The following NR6A1 variants were observed in gnomAD, a reference collection of about 807,000 sequenced individuals.
NR6A1 encodes the protein retinoic acid receptor-related testis-associated receptor.
Under a neutral mutation model 59.1 loss-of-function variants are expected in NR6A1, and 7 were observed. The observed-to-expected ratio is 0.12, with a 90% confidence interval of 0.07 to 0.22. The LOEUF (loss-of-function observed/expected upper bound fraction) is 0.22, where lower values mean the gene tolerates loss of function less well. Ranked by LOEUF, NR6A1 falls within the 10% of genes least tolerant of loss-of-function variation. NR6A1 has a pLI of 1.00. For missense variants in NR6A1, 468 were observed against 611.6 expected (o/e 0.77, Z 2.48); for synonymous variants, 243 against 236.1 (o/e 1.03, Z -0.27).
intron 1 of NR6A1, among the ~76,000 whole-genome samples, chr9:124,738,227 C>T (rs918922880): frequency 9.2e-5 from 14 of 152,156 alleles, no homozygotes; most frequent in African/African-American, 3.4e-4. Flanking sequence ...GTACTCCAGC[C>T]TGGGCAACAG....
intron 2 of NR6A1, among the ~76,000 whole-genome samples, chr9:124,731,013 T>A (rs1839868925): frequency 6.6e-6 from 1 of 152,164 alleles, no homozygotes; most frequent in Non-Finnish European, 1.5e-5. Flanking sequence ...GCATGTTTTA[T>A]GTGTAGTTGT....
At chr9:124,681,338 CTTTTTTTTT>C (rs779847656) in intron 2 of NR6A1, among the ~76,000 whole-genome samples, 1 of 110,786 alleles carries the variant, frequency 9.0e-6, no homozygotes, top group Non-Finnish European at 1.9e-5. Context: ...AACATTTGAG[CTTTTTTTTT>C]TTTTTTTTTT....
At chr9:124,588,660 C>T (rs552928094) in intron 2 of NR6A1, among the ~76,000 whole-genome samples, 2 of 147,620 alleles carry the variant, frequency 1.4e-5, no homozygotes, top group African/African-American at 5.0e-5. Context: ...TGGCTCACGC[C>T]GGTAATCCCA....
At chr9:124,595,759 CTCCATTTCA>C (rs1835254384) in intron 2 of NR6A1, 1 of 1,286,742 alleles carries the variant, frequency 7.8e-7, no homozygotes. Context: ...CTTCCCATGT[CTCCATTTCA>C]TGCTTCTTGT....
At chr9:124,550,370 G>A (rs905113273) in intron 3 of NR6A1, among the ~76,000 whole-genome samples, 45 of 147,446 alleles carry the variant, frequency 3.1e-4, no homozygotes, top group Admixed American at 1.3e-4. Context: ...ATGTTCTAAT[G>A]GTGAATTTTT....
chr9:124,749,790 T>C (rs1840443519), intron 1 of NR6A1, among the ~76,000 whole-genome samples: 1 of 152,228 alleles, frequency 6.6e-6, no homozygotes, highest in Non-Finnish European at 1.5e-5. Flanking sequence ...ATAACGCATG[T>C]TTCTTTACAG....
At chr9:124,745,180 C>A (rs1034874957) in intron 1 of NR6A1, among the ~76,000 whole-genome samples, 33 of 151,184 alleles carry the variant, frequency 2.2e-4, no homozygotes, top group Admixed American at 2.2e-3. Flanking sequence ...TTACAAAGGG[C>A]AAATACCATA....
At chr9:124,717,665 AATGCTTAACCTTAACACTTTAGATCT>A (rs1839442618) in intron 2 of NR6A1, among the ~76,000 whole-genome samples, 1 of 152,218 alleles carries the variant, frequency 6.6e-6, no homozygotes, top group Admixed American at 6.5e-5. Context: ...CATTTATAAA[AATGCTTAACCTTAACACTTTAGATCT>A]ATGCGTTTCA....
intron 2 of NR6A1, among the ~76,000 whole-genome samples, chr9:124,623,280 CAA>C (rs1836131722): frequency 6.6e-6 from 1 of 151,942 alleles, no homozygotes; most frequent in Non-Finnish European, 1.5e-5. Flanking sequence ...TTCAGGCAAG[CAA>C]AGAGCTAGGA....
chr9:124,607,487 G>A (rs191663005), intron 2 of NR6A1: 1 of 152,248 alleles, frequency 6.6e-6, no homozygotes, highest in African/African-American at 2.4e-5. Flanking sequence ...TAGAATAAAA[G>A]AGAGGTTCAG....
chr9:124,711,954 G>A (rs1221543988), intron 2 of NR6A1, among the ~76,000 whole-genome samples: 1 of 152,146 alleles, frequency 6.6e-6, no homozygotes, highest in Non-Finnish European at 1.5e-5. Flanking sequence ...ATGACCTAAG[G>A]GTATACAACT....
rs1443104516 is a variant in NR6A1 at position 124,623,577 on chromosome 9, GT to G, written c.143-69008del. On this transcript the variant is annotated intron_variant, in intron 2 of 9. Coordinates refer to ENST00000487099, the MANE Select transcript of NR6A1 (RefSeq NM_033334.4). ...GGGTCTCACTCTGTTTCCCAGGCTG[GT>G]CTTCTGGGCTCGTGTGATGCTCCTA... Among the ~76,000 whole-genome samples the G allele has an allele frequency of 3.3e-5, 5 of 150,782 alleles. No homozygotes were observed. In the South Asian group the frequency reaches 6.3e-4, roughly 19 times the overall value.
At chr9:124,727,842 G>A (rs1839767459) in intron 2 of NR6A1, among the ~76,000 whole-genome samples, 1 of 151,030 alleles carries the variant, frequency 6.6e-6, no homozygotes. Context: ...GTGCCACCAT[G>A]GCCAGTTTAT....
At chr9:124,600,560 T>C (rs1835418510) in intron 2 of NR6A1, among the ~76,000 whole-genome samples, 1 of 152,248 alleles carries the variant, frequency 6.6e-6, no homozygotes, top group South Asian at 2.1e-4. Context: ...GGCACTATGC[T>C]GGCTATGATG....
intron 1 of NR6A1, among the ~76,000 whole-genome samples, chr9:124,744,498 T>C (rs929280942): frequency 3.9e-5 from 6 of 152,218 alleles, no homozygotes; most frequent in Non-Finnish European, 8.8e-5. Flanking sequence ...TGAAAGCATC[T>C]TGACTAATAA....
At chr9:124,557,189 C>T (rs1307074861) in intron 2 of NR6A1, among the ~76,000 whole-genome samples, 1 of 152,058 alleles carries the variant, frequency 6.6e-6, no homozygotes, top group Non-Finnish European at 1.5e-5. Flanking sequence ...AGTGCAGTAG[C>T]GCGATCTTGG....
intron 1 of NR6A1, among the ~76,000 whole-genome samples, chr9:124,738,786 C>T (rs879822235): frequency 2.0e-5 from 3 of 151,888 alleles, no homozygotes; most frequent in Non-Finnish European, 4.4e-5. Flanking sequence ...GGGAGGATCA[C>T]GAGGTCAGGA....
At chr9:124,568,939 C>G (rs777034703) in intron 2 of NR6A1, among the ~76,000 whole-genome samples, 20 of 151,804 alleles carry the variant, frequency 1.3e-4, no homozygotes, top group Non-Finnish European at 2.5e-4. Flanking sequence ...CGGTGAAACA[C>G]CGTCTCTACT....
intron 2 of NR6A1, among the ~76,000 whole-genome samples, chr9:124,582,635 C>A (rs1259992581): frequency 6.6e-6 from 1 of 151,836 alleles, no homozygotes; most frequent in Non-Finnish European, 1.5e-5. Flanking sequence ...GCCTGTAATC[C>A]TAGCACTTTG....
Sources: allele counts gnomAD v4.1 joint callset (sites outside exome capture counted in the v4.1 genomes callset), GRCh38; gene constraint gnomAD v4.1.1; transcripts MANE v1.5; gene names NCBI Gene and HGNC (gene_info 2026-07-23, HGNC 2026-07-21).